Variants in IGF2BP1 observed in about 807,000 individuals in gnomAD.
The protein encoded by IGF2BP1 is insulin-like growth factor 2 mRNA-binding protein 1.
In IGF2BP1, 11 loss-of-function variants were observed where a neutral mutation model predicts 74.9. The ratio of observed to expected loss-of-function variants is 0.15; its 90% CI spans 0.09 to 0.24. The LOEUF (loss-of-function observed/expected upper bound fraction) is 0.24. Ranked by LOEUF, IGF2BP1 falls within the 10% of genes least tolerant of loss-of-function variation. IGF2BP1 has a pLI of 1.00. For synonymous variants in IGF2BP1, 287 were observed against 281.8 expected (o/e 1.02, Z -0.18); for missense variants, 440 against 757.4 (o/e 0.58, Z 4.92).
At chr17:49,000,029 C>G (rs1329246239) in intron 2 of IGF2BP1, among the ~76,000 whole-genome samples, 1 of 151,532 alleles carries the variant, frequency 6.6e-6, no homozygotes, top group East Asian at 1.9e-4. Context: ...ATCATACTTA[C>G]CGAGAATTCA....
chr17:49,043,392 G>T, intron 9 of IGF2BP1, 36 bp from the exon 10 acceptor site: 1 of 1,611,272 alleles, frequency 6.2e-7, no homozygotes, highest in Non-Finnish European at 8.5e-7. Flanking sequence ...CCCTGTCAGG[G>T]TGTGCTGACT....
At chr17:49,028,054 T>C (rs2041879608) in intron 4 of IGF2BP1, among the ~76,000 whole-genome samples, 1 of 151,514 alleles carries the variant, frequency 6.6e-6, no homozygotes, top group Admixed American at 6.6e-5. Flanking sequence ...TCCCAGTCAC[T>C]AGGGAGGCTG....
chr17:48,997,790 C>T lies in IGF2BP1; in HGVS notation c.45C>T (p.Pro15=), dbSNP rs2041426348. 2 of 1,614,174 alleles carry T rather than the reference C, an allele frequency of 1.2e-6. No homozygotes were observed. The highest frequency in any genetic ancestry group is 1.1e-5 in the South Asian group (1 of 91,070). The change falls in exon 1 of 15, where the codon CCC becomes CCT. Residue 15 remains proline, a synonymous_variant. Transcript: ENST00000290341. The surrounding 1 kb of genome is among the most constrained non-coding windows in gnomAD (Gnocchi z 4.8). ...GCAACCTCAACGAGAGCGTGACCCC[C>T]GCGGACTTGGAGAAAGTGTTTGCGG... The part of the protein sequence containing the change: ...YIGNLNESVT[P]ADLEKVFAEH...
Position 49,050,470 on chromosome 17 carries a change from G to A in IGF2BP1, c.*1026G>A, listed in dbSNP as rs2042154922. ...AGGCTGCCACGGTGCCCTCACCCCA[G>A]CCCATGTGCTCCCATAAGGGCTGGT... On this transcript the variant is annotated 3_prime_UTR_variant, in exon 15 of 15. Transcript: ENST00000290341. 1.3e-5 allele frequency: 2 copies of A among 152,208 alleles called. No homozygotes were observed. The highest frequency in any genetic ancestry group is 4.1e-4 in the South Asian group (2 of 4,832). 9.4% of individuals were successfully genotyped at this position (152,208 alleles called of 1,614,324 possible). A position where few individuals can be genotyped will look rare whatever the true frequency, so the allele number is the denominator to read the frequency against.
intron 2 of IGF2BP1, chr17:49,013,007 C>T (rs1188764783): frequency 6.6e-6 from 1 of 152,142 alleles, no homozygotes; most frequent in Admixed American, 6.5e-5. Context: ...ACCTTGACCT[C>T]TCTGAGCCCG....
chr17:49,027,985 A>T (rs1051662218), intron 4 of IGF2BP1, among the ~76,000 whole-genome samples: 2 of 151,750 alleles, frequency 1.3e-5, no homozygotes, highest in Admixed American at 6.6e-5. Flanking sequence ...CCAGCCTGGG[A>T]AACAGTGAGA....
At chr17:49,045,234 A>G (rs370222916) in intron 12 of IGF2BP1, among the ~76,000 whole-genome samples, 169 bp downstream of exon 12, 5 of 152,246 alleles carry the variant, frequency 3.3e-5, no homozygotes, top group African/African-American at 9.6e-5. Context: ...TCAAATTGAC[A>G]TCAAACTGGA....
chr17:49,047,091 TC>T (rs2042115393), intron 14 of IGF2BP1, among the ~76,000 whole-genome samples: 1 of 152,208 alleles, frequency 6.6e-6, no homozygotes, highest in African/African-American at 2.4e-5. Context: ...GATATCCAGA[TC>T]TTAGCAGGCT....
intron 14 of IGF2BP1, among the ~76,000 whole-genome samples, chr17:49,047,778 A>G (rs2042121528): frequency 6.7e-6 from 1 of 149,020 alleles, no homozygotes; most frequent in Admixed American, 6.7e-5. Flanking sequence ...CAGTGGTGTG[A>G]CCACAGCTCA....
chr17:49,036,777 C>T (rs1326000663), intron 5 of IGF2BP1: 1 of 153,124 alleles, frequency 6.5e-6, no homozygotes, highest in Non-Finnish European at 1.5e-5. Context: ...TGGAGAAACC[C>T]CATCTCTACT....
upstream of IGF2BP1, among the ~76,000 whole-genome samples, chr17:48,997,108 C>T (rs1255581700): frequency 2.0e-5 from 3 of 152,148 alleles, no homozygotes; most frequent in African/African-American, 4.8e-5. This position sits in a 1 kb window ranked among gnomAD's most constrained non-coding sequence, Gnocchi z 4.8. Flanking sequence ...GGACCATCCT[C>T]CCCCAGTTTG....
chr17:49,040,819 T>C (rs1168473206), intron 7 of IGF2BP1, among the ~76,000 whole-genome samples: 1 of 152,242 alleles, frequency 6.6e-6, no homozygotes, highest in African/African-American at 2.4e-5. Flanking sequence ...TCTTGATGGG[T>C]GTTTAAATTG....
chr17:49,010,141 A>C (rs1213562468), intron 2 of IGF2BP1, among the ~76,000 whole-genome samples: 1 of 152,098 alleles, frequency 6.6e-6, no homozygotes, highest in Non-Finnish European at 1.5e-5. Context: ...CATCACCTTC[A>C]TCTATCGCTA....
chr17:49,011,137 CAAAAAAAAAAAAAAAAA>C (rs61620827), intron 2 of IGF2BP1, among the ~76,000 whole-genome samples: 4 of 57,296 alleles, frequency 7.0e-5, no homozygotes, highest in Admixed American at 2.8e-4. Context: ...GACTCTGTCT[CAAAAAAAAAAAAAAAAA>C]AAAAAAAAAA....
At chr17:49,009,848 G>A (rs1206723466) in intron 2 of IGF2BP1, among the ~76,000 whole-genome samples, 1 of 152,102 alleles carries the variant, frequency 6.6e-6, no homozygotes, top group African/African-American at 2.4e-5. Flanking sequence ...GGGAGGCCGA[G>A]GTGGGTGGAT....
chr17:49,049,482 C>A lies in IGF2BP1; in HGVS notation c.*38C>A. On this transcript the variant is annotated 3_prime_UTR_variant, in exon 15 of 15. Transcript: ENST00000290341. ...TGTCCCTTCGAGTCCAGGACAACAA[C>A]GGGCAGAAATCGAGAGTGTGCTCTC... The A allele has an allele frequency of 6.4e-7, 1 of 1,570,282 alleles. No homozygotes were observed.
chr17:49,037,030 A>G (rs12942084), intron 5 of IGF2BP1: 70,744 of 221,342 alleles, frequency 0.32, 12,127 homozygotes, highest in African/African-American at 0.42. Context: ...ATGGCTATGG[A>G]GGGGTTTCAG....
At chr17:49,019,988 AT>A in intron 2 of IGF2BP1, among the ~76,000 whole-genome samples, 1 of 31,514 alleles carries the variant, frequency 3.2e-5, no homozygotes, top group African/African-American at 3.7e-4. Context: ...ACACCCACAC[AT>A]ATATATACAC....
intron 2 of IGF2BP1, among the ~76,000 whole-genome samples, chr17:49,022,336 C>T (rs2041802380): frequency 6.6e-6 from 1 of 152,180 alleles, no homozygotes; most frequent in East Asian, 1.9e-4. Context: ...AATTAGGTAG[C>T]ACCATATTTA....
Sources: allele counts gnomAD v4.1 joint callset (sites outside exome capture counted in the v4.1 genomes callset), GRCh38; gene constraint gnomAD v4.1.1; non-coding constraint Gnocchi (gnomAD v3.1); transcripts MANE v1.5; gene names NCBI Gene and HGNC (gene_info 2026-07-23, HGNC 2026-07-21).